The following LAMA1 variants were observed in gnomAD, a reference collection of about 807,000 sequenced individuals.
LAMA1 encodes laminin subunit alpha 1.
A neutral mutation model predicts 348.7 loss-of-function variants in LAMA1; 219 were observed. The ratio of observed to expected loss-of-function variants is 0.63; its 90% confidence interval spans 0.56 to 0.70. The LOEUF is 0.70. Among genes scored for constraint, LAMA1 ranks in the 30% least tolerant of loss-of-function variants. The pLI is 0.00. For missense variants in LAMA1, 3,744 were observed against 3,888.0 expected (o/e 0.96, Z 0.99); for synonymous variants, 1,487 against 1,491.0 (o/e 1.00, Z 0.06).
intron 3 of LAMA1, among the ~76,000 whole-genome samples, chr18:7,075,936 A>T (rs200119865): frequency 1.9e-5 from 1 of 53,792 alleles, no homozygotes; most frequent in Non-Finnish European, 4.0e-5. Flanking sequence ...GGCTCCATTT[A>T]AAAAAAAAAA....
At chr18:7,071,119 A>C (rs1363363723) in intron 3 of LAMA1, among the ~76,000 whole-genome samples, 2 of 152,182 alleles carry the variant, frequency 1.3e-5, no homozygotes, top group Admixed American at 1.3e-4. Flanking sequence ...GTCAGAACAA[A>C]GGAAAACAAT....
chr18:6,941,778 A>G lies in LAMA1; in HGVS notation c.*301T>C. On this transcript the variant is annotated 3_prime_UTR_variant, in exon 63 of 63. Transcript: ENST00000389658. The stretch of plus-strand genomic sequence containing the variant: ...ATCATCTGTATTGATACTTTTTTAA[A>G]AAGCTCAAAATGAAAAACATAAAAT... The G allele has an allele frequency of 2.6e-6, 1 of 378,192 alleles. No homozygotes were observed. Among genetic ancestry groups the G allele is most frequent in the South Asian group, 2.4e-5 (1 of 41,790 alleles). 23.4% of individuals were successfully genotyped at this position (378,192 alleles called of 1,614,324 possible).
At chr18:7,057,427 T>C (rs1409879822) in intron 3 of LAMA1, among the ~76,000 whole-genome samples, 1 of 151,722 alleles carries the variant, frequency 6.6e-6, no homozygotes, top group African/African-American at 2.4e-5. Context: ...TTCCACCCTT[T>C]CACTTTAACC....
intron 53 of LAMA1, among the ~76,000 whole-genome samples, chr18:6,960,983 G>A (rs2057604525): frequency 6.6e-6 from 1 of 152,206 alleles, no homozygotes; most frequent in Non-Finnish European, 1.5e-5. Flanking sequence ...GACTCAACTT[G>A]ATTAAGACAG....
intron 16 of LAMA1, among the ~76,000 whole-genome samples, chr18:7,030,389 A>C (rs2057963318): frequency 6.6e-6 from 1 of 152,164 alleles, no homozygotes; most frequent in African/African-American, 2.4e-5. Flanking sequence ...AGAGGAGAGG[A>C]GACTAAAAAG....
Position 6,956,923 on chromosome 18 carries a change from T to C in LAMA1, c.7965-158A>G, listed in dbSNP as rs2057581679. 17 of 750,106 alleles carry C rather than the reference T, an allele frequency of 2.3e-5. No individual in the cohort carries two copies. In the Admixed American group the frequency reaches 3.5e-4, roughly 15 times the overall value. The allele number at this position is 750,106 out of a possible 1,614,324, so 46.5% of individuals were successfully genotyped here. A position where few individuals can be genotyped will look rare whatever the true frequency, so the allele number is the denominator to read the frequency against. On this transcript the variant is annotated intron_variant, in intron 55 of 62. Coordinates refer to ENST00000389658, the MANE Select transcript of LAMA1 (RefSeq NM_005559.4). ...GCCAATCCTTCACTGTGACTCAGAG[T>C]CCAAACATGCTATCTTAATATTTCT...
chr18:7,047,071 G>A (rs572878633), intron 5 of LAMA1, among the ~76,000 whole-genome samples: 135 of 145,474 alleles, frequency 9.3e-4, no homozygotes, highest in African/African-American at 3.4e-3. Flanking sequence ...TTGAGACAGA[G>A]TCTCGGTCTA....
chr18:6,957,785 C>CTTTTTTTTTT (rs58835769), intron 55 of LAMA1, among the ~76,000 whole-genome samples: 91 of 150,846 alleles, frequency 6.0e-4, no homozygotes, highest in African/African-American at 2.2e-3. Context: ...GCTTCCAGTT[C>CTTTTTTTTTT]TTTTTTTTTC....
chr18:7,071,111 C>G (rs1234025173), intron 3 of LAMA1, among the ~76,000 whole-genome samples: 3 of 152,122 alleles, frequency 2.0e-5, no homozygotes, highest in African/African-American at 7.2e-5. Context: ...CCCATAAAGT[C>G]AGAACAAAGG....
At chr18:7,064,830 T>C (rs2058115970) in intron 3 of LAMA1, among the ~76,000 whole-genome samples, 2 of 152,196 alleles carry the variant, frequency 1.3e-5, no homozygotes, top group South Asian at 4.1e-4. Context: ...CAAAAATTCT[T>C]AAATTATATG....
At position 7,015,808 on chromosome 18, in the gene LAMA1, A is replaced by G. The variant is rs755339799; in HGVS notation, c.3040T>C (p.Cys1014Arg). The change falls in exon 22 of 63, where the codon TGT becomes CGT. Residue 1014 changes from cysteine to arginine, a missense_variant. This residue lies in a region of LAMA1 where 1,529 missense variants were observed against 1,689.4 expected (regional missense o/e 0.91). Transcript: ENST00000389658. ...QNTCDPETGE[C>R]VCPPHTQGVK... The stretch of plus-strand genomic sequence containing the variant: ...CCCTGTGTGTGAGGGGGGCAGACAC[A>G]CTCTCCAGTTTCTGGGTCGCAGGTA... 7.4e-6 allele frequency: 12 copies of G among 1,613,526 alleles called. No individual in the cohort carries two copies. Among genetic ancestry groups the G allele is most frequent in the Non-Finnish European group, 1.0e-5 (12 of 1,179,900 alleles).
rs370881774 is a variant in LAMA1, at chr18:6,975,033, C to A, written c.6493G>T (p.Asp2165Tyr). 1.1e-5 allele frequency: 17 copies of A among 1,613,638 alleles called. No homozygotes were observed. The African/African-American group carries it at 2.3e-4, about 22-fold the overall frequency. Residue 2165 changes from aspartate (D) to tyrosine (Y), a missense_variant, in exon 46 of 63, where the codon GAT (aspartate) becomes TAT (tyrosine). Physicochemically the swap from Asp to Tyr is radical, Grantham distance 160. Coordinates refer to ENST00000389658, the MANE Select transcript of LAMA1 (RefSeq NM_005559.4). ...CGCCGCATCTCCACTGCAAGGAAAT[C>A]AGACTGGGGGGCGAGGAATGAACGG... ...LFYLGSSTAS[D>Y]FLAVEMRRGR...
intron 48 of LAMA1, among the ~76,000 whole-genome samples, chr18:6,969,502 C>T (rs4300731): frequency 0.6 from 91,419 of 152,066 alleles, 29,205 homozygotes; most frequent in East Asian, 0.78. Context: ...CAGTGTTTCC[C>T]AAACATTTAT....
intron 3 of LAMA1, among the ~76,000 whole-genome samples, chr18:7,073,699 T>C (rs2058155155): frequency 1.3e-5 from 2 of 152,188 alleles, no homozygotes; most frequent in South Asian, 2.1e-4. Flanking sequence ...TCCTGGCTAC[T>C]GTGAATAATG....
rs1278139407 is a variant in LAMA1 at position 6,965,407 on chromosome 18, A to G, written c.7076T>C (p.Phe2359Ser). The G allele has an allele frequency of 6.2e-7, 1 of 1,614,126 alleles. No individual in the cohort carries two copies. Among genetic ancestry groups the G allele is most frequent in the Non-Finnish European group, 8.5e-7 (1 of 1,180,020 alleles). Residue 2359 changes from phenylalanine (F) to serine (S), a missense_variant, in exon 50 of 63, where the codon TTT becomes TCT. By Grantham distance (155) the Phe-to-Ser change is radical. This residue lies in a region of LAMA1 where 1,983 missense variants were observed against 1,934.3 expected (regional missense o/e 1.03). Coordinates refer to ENST00000389658, the MANE Select transcript of LAMA1 (RefSeq NM_005559.4). ...GTKDFLSIEL[F>S]RGRVKVMTDL... ...AGTCATAACCTTCACTCTGCCACGAAACAGCTCGATGGATAAAAAGTCTTT... is the reference window on the plus strand; with the variant it reads ...AGTCATAACCTTCACTCTGCCACGAGACAGCTCGATGGATAAAAAGTCTTT...
chr18:7,034,368 G>GTCCT (rs2057984700), intron 14 of LAMA1, 111 bp downstream of exon 14: 1 of 804,470 alleles, frequency 1.2e-6, no homozygotes, highest in African/African-American at 1.7e-5. Context: ...CTGTAGCTGT[G>GTCCT]TCCTTAATAT....
intron 21 of LAMA1, 39 bp from the exon 22 acceptor site, chr18:7,015,897 A>G (rs1374604766): frequency 6.2e-7 from 1 of 1,613,008 alleles, no homozygotes; most frequent in Non-Finnish European, 8.5e-7. Flanking sequence ...GATCTGGGTG[A>G]TGTCATTAAA....
chr18:7,011,378 C>T lies in LAMA1; in HGVS notation c.3609G>A (p.Leu1203=). ...GVYYQAPDFL[L]DAATVRQHIR... ...TGTGCTGCCGGACGGTGGCGGCATCCAGCAGGAAGTCGGGGGCCTGGTAGT... is the reference window on the plus strand; with the variant it reads ...TGTGCTGCCGGACGGTGGCGGCATCTAGCAGGAAGTCGGGGGCCTGGTAGT... The change falls in exon 25 of 63, where the codon CTG becomes CTA. Residue 1203 remains leucine (L), a synonymous_variant. Transcript: ENST00000389658. 1 of 1,611,588 alleles carries T rather than the reference C, an allele frequency of 6.2e-7. No individual in the cohort carries two copies.
chr18:7,013,832 C>G lies in LAMA1; in HGVS notation c.3346G>C (p.Gly1116Arg), dbSNP rs199554880. 2 of 1,610,968 alleles carry G rather than the reference C, an allele frequency of 1.2e-6. No homozygotes were observed. The highest frequency in any genetic ancestry group is 2.7e-5 in the African/African-American group (2 of 74,850). ...QGLCGCVEETGACPCKENVFG... is the reference protein window; with the variant it reads ...QGLCGCVEETRACPCKENVFG... ...GTAAATACCTTGCAAGGGCAGGCCC[C>G]GGTTTCCTCCACACAGCCGCAGAGA... Residue 1116 changes from glycine to arginine, a missense_variant, in exon 23 of 63, where the codon GGG becomes CGG. Physicochemically the swap from Gly to Arg is moderately radical, Grantham distance 125. Transcript: ENST00000389658.
Sources: allele counts gnomAD v4.1 joint callset (sites outside exome capture counted in the v4.1 genomes callset), GRCh38; gene constraint gnomAD v4.1.1; regional missense constraint gnomAD v4.1.1; transcripts MANE v1.5; gene names NCBI Gene and HGNC (gene_info 2026-07-23, HGNC 2026-07-21).